The following SCAMP1 variants were observed in gnomAD, a reference collection of about 807,000 sequenced individuals.
SCAMP1 encodes secretory carrier-associated membrane protein 1.
In SCAMP1, 15 loss-of-function variants were observed where a neutral mutation model predicts 41.8. The ratio of observed to expected loss-of-function variants is 0.36; its 90% CI spans 0.24 to 0.55. The LOEUF is 0.55. Among genes scored for constraint, SCAMP1 ranks in the 20% least tolerant of loss-of-function variants. SCAMP1 has a pLI of 0.86. For synonymous variants in SCAMP1, 135 were observed against 136.8 expected (o/e 0.99, Z 0.09); for missense variants, 341 against 412.6 (o/e 0.83, Z 1.50).
intron 1 of SCAMP1, among the ~76,000 whole-genome samples, chr5:78,367,223 C>T (rs1256238068): frequency 1.3e-5 from 2 of 152,110 alleles, no homozygotes; most frequent in Non-Finnish European, 2.9e-5. Flanking sequence ...TAAGATGCAC[C>T]ATTATCTTAT....
chr5:78,446,177 TACAG>T (rs1285915140), intron 6 of SCAMP1, among the ~76,000 whole-genome samples: 1 of 152,252 alleles, frequency 6.6e-6, no homozygotes, highest in African/African-American at 2.4e-5. Flanking sequence ...TAACTGTACA[TACAG>T]AAAGAGGAAG....
chr5:78,423,164 T>G (rs1490791485), intron 6 of SCAMP1, among the ~76,000 whole-genome samples: 1 of 151,628 alleles, frequency 6.6e-6, no homozygotes, highest in African/African-American at 2.4e-5. Flanking sequence ...AAGAAGTAAA[T>G]TATTACTTAG....
chr5:78,388,920 A>G lies in SCAMP1; in HGVS notation c.135+6A>G, dbSNP rs375155619. Reference sequence around the variant, plus strand: ...CATTCTCGGATTCTAGAACAGTAAGATTATTCTTGCTTTTAAATGTTTAAA... The same window carrying G: ...CATTCTCGGATTCTAGAACAGTAAGGTTATTCTTGCTTTTAAATGTTTAAA... On this transcript the variant is annotated splice_donor_region_variant and intron_variant, in intron 2 of 8. Coordinates refer to ENST00000621999, the MANE Select transcript of SCAMP1 (RefSeq NM_004866.6). 2.1e-6 allele frequency: 3 copies of G among 1,396,892 alleles called. No homozygotes were observed. The highest frequency in any genetic ancestry group is 2.3e-5 in the East Asian group (1 of 42,630). 86.5% of individuals were successfully genotyped at this position (1,396,892 alleles called of 1,614,324 possible). A position where few individuals can be genotyped will look rare whatever the true frequency, so the allele number is the denominator to read the frequency against.
intron 7 of SCAMP1, among the ~76,000 whole-genome samples, chr5:78,456,540 C>T (rs1286174001): frequency 9.2e-5 from 14 of 151,578 alleles, no homozygotes; most frequent in African/African-American, 2.9e-4. Flanking sequence ...TGTAGGGTTT[C>T]TGCCGACAGA....
At position 78,449,319 on chromosome 5, in the gene SCAMP1, T is replaced by C. The variant is rs572049977; in HGVS notation, c.633-614T>C. ...AATACTACTCAGCAATGAAAAGGAA[T>C]GAACTTTTGATACATGCCACAAAAC... On this transcript the variant is annotated intron_variant, in intron 6 of 8. Coordinates refer to ENST00000621999, the MANE Select transcript of SCAMP1 (RefSeq NM_004866.6). Among the ~76,000 whole-genome samples, 7 of 152,308 alleles carry C rather than the reference T, an allele frequency of 4.6e-5. No individual in the cohort carries two copies. In the South Asian group the frequency reaches 1.2e-3, roughly 27 times the overall value.
intron 1 of SCAMP1, among the ~76,000 whole-genome samples, chr5:78,368,159 T>A (rs773699448): frequency 4.9e-4 from 75 of 152,324 alleles, no homozygotes; most frequent in Admixed American, 2.7e-3. Context: ...CATTTGTCAT[T>A]CTTTTTGAGA....
chr5:78,388,853 A>T lies in SCAMP1; in HGVS notation c.74A>T (p.Gln25Leu). 1 of 1,543,642 alleles carries T rather than the reference A, an allele frequency of 6.5e-7. No homozygotes were observed. Among genetic ancestry groups the T allele is most frequent in the Non-Finnish European group, 8.9e-7 (1 of 1,121,724 alleles). The change falls in exon 2 of 9, where the codon CAA becomes CTA. Residue 25 changes from glutamine to leucine, a missense_variant. Gln to Leu is a moderately radical substitution (Grantham distance 113, BLOSUM62 -2). Coordinates refer to ENST00000621999, the MANE Select transcript of SCAMP1 (RefSeq NM_004866.6). ...NNPFKDPSVTQVTRNVPPGLD... is the reference protein window; with the variant it reads ...NNPFKDPSVTLVTRNVPPGLD... ...TTATTCTAGGATCCATCAGTTACAC[A>T]AGTGACAAGAAATGTTCCACCAGGA...
intron 1 of SCAMP1, among the ~76,000 whole-genome samples, chr5:78,387,682 C>T (rs4704508): frequency 4.6e-5 from 7 of 151,918 alleles, no homozygotes; most frequent in African/African-American, 7.3e-5. Flanking sequence ...CTTTCCTGTA[C>T]GGATGGGGCT....
At chr5:78,433,424 A>T (rs1176045975) in intron 6 of SCAMP1, among the ~76,000 whole-genome samples, 1 of 152,082 alleles carries the variant, frequency 6.6e-6, no homozygotes, top group Non-Finnish European at 1.5e-5. Context: ...ACAGCTGAAG[A>T]CCCACTGGAC....
intron 2 of SCAMP1, among the ~76,000 whole-genome samples, chr5:78,403,017 C>T (rs985334574): frequency 1.3e-5 from 2 of 152,086 alleles, no homozygotes; most frequent in Non-Finnish European, 2.9e-5. Flanking sequence ...ATTACAGGCA[C>T]CTGCCATCAC....
chr5:78,362,432 G>T (rs1750679878), intron 1 of SCAMP1, among the ~76,000 whole-genome samples: 1 of 152,136 alleles, frequency 6.6e-6, no homozygotes, highest in Non-Finnish European at 1.5e-5. Flanking sequence ...ATCTGATATT[G>T]CCATGACACT....
intron 7 of SCAMP1, among the ~76,000 whole-genome samples, chr5:78,453,758 T>C (rs1254563181): frequency 6.6e-6 from 1 of 152,220 alleles, no homozygotes; most frequent in African/African-American, 2.4e-5. Flanking sequence ...TGGCATTGAA[T>C]CTGTAAATTA....
chr5:78,416,205 G>A (rs1361741211), intron 3 of SCAMP1, among the ~76,000 whole-genome samples: 1 of 152,044 alleles, frequency 6.6e-6, no homozygotes, highest in Admixed American at 6.5e-5. Context: ...TTCCTCAACT[G>A]TTCCCATTGC....
Position 78,360,706 on chromosome 5 carries a change from C to T in SCAMP1, c.35C>T (p.Pro12Leu). 1 of 1,610,468 alleles carries T rather than the reference C, an allele frequency of 6.2e-7. No individual in the cohort carries two copies. The highest frequency in any genetic ancestry group is 2.2e-5 in the East Asian group (1 of 44,614). ...SDFDSNPFAD[P>L]DLNNPFKDPS... ...TTCGACAGTAACCCGTTTGCCGACC[C>T]GGATCTCAACAATCCCTTCAAGGTG... is the stretch of plus-strand genomic sequence containing the variant. The change falls in exon 1 of 9, where the codon CCG becomes CTG. Residue 12 changes from proline (P) to leucine (L), a missense_variant. Pro to Leu is a moderately conservative substitution (Grantham distance 98). Coordinates refer to ENST00000621999, the MANE Select transcript of SCAMP1 (RefSeq NM_004866.6).
In SCAMP1 at chr5:78,478,832, T is replaced by A. The variant is rs1006927505; in HGVS notation, c.*3164T>A. 6.6e-6 allele frequency: 1 copy of A among 152,166 alleles called. No homozygotes were observed. Among genetic ancestry groups the A allele is most frequent in the Non-Finnish European group, 1.5e-5 (1 of 67,988 alleles). The allele number at this position is 152,166 out of a possible 1,614,324, so 9.4% of individuals were successfully genotyped here. The stretch of plus-strand genomic sequence containing the variant: ...ATACATGTTAAAAAAGGAACAGTAT[T>A]CTTTATTTTCTGGGTGTTATATTTA... On this transcript the variant is annotated 3_prime_UTR_variant, in exon 9 of 9. Transcript: ENST00000621999.
At chr5:78,429,313 A>T (rs1752540997) in intron 6 of SCAMP1, among the ~76,000 whole-genome samples, 1 of 149,402 alleles carries the variant, frequency 6.7e-6, no homozygotes, top group Non-Finnish European at 1.5e-5. Flanking sequence ...TGGTCTCAGG[A>T]ACCTCTCTTG....
chr5:78,427,876 T>A (rs2115435), intron 6 of SCAMP1, among the ~76,000 whole-genome samples: 4 of 151,886 alleles, frequency 2.6e-5, no homozygotes, highest in Non-Finnish European at 4.4e-5. Flanking sequence ...TTAAAAATTC[T>A]GTTGTTGACT....
At chr5:78,369,365 C>T (rs1228390725) in intron 1 of SCAMP1, among the ~76,000 whole-genome samples, 1 of 152,126 alleles carries the variant, frequency 6.6e-6, no homozygotes. Flanking sequence ...CCTTGGCCTC[C>T]CAAAGTGCTG....
At chr5:78,398,196 A>T (rs1186039284) in intron 2 of SCAMP1, among the ~76,000 whole-genome samples, 1 of 152,154 alleles carries the variant, frequency 6.6e-6, no homozygotes. Flanking sequence ...TCAACTGATG[A>T]ATGGATAAAT....
Sources: allele counts gnomAD v4.1 joint callset (sites outside exome capture counted in the v4.1 genomes callset), GRCh38; gene constraint gnomAD v4.1.1; transcripts MANE v1.5; gene names NCBI Gene and HGNC (gene_info 2026-07-23, HGNC 2026-07-21).